ZBTB7C: variants seen among roughly 807,000 people sequenced by gnomAD.
ZBTB7C encodes zinc finger and BTB domain containing 7C, also known as zinc finger and BTB domain-containing protein 7C.
Under a neutral mutation model 25.7 loss-of-function variants are expected in ZBTB7C, and 8 were observed. The ratio of observed to expected loss-of-function variants is 0.31; its 90% CI spans 0.18 to 0.56. The LOEUF (loss-of-function observed/expected upper bound fraction) is 0.56. Ranked by LOEUF, ZBTB7C falls within the 20% of genes least tolerant of loss-of-function variation. The pLI, the probability that ZBTB7C is intolerant of heterozygous loss-of-function variation, is 0.91. For synonymous variants in ZBTB7C, 394 were observed against 369.0 expected (o/e 1.07, Z -0.78); for missense variants, 824 against 855.2 (o/e 0.96, Z 0.46).
At chr18:48,089,414 G>C (rs973411190) in intron 3 of ZBTB7C, among the ~76,000 whole-genome samples, 3 of 150,782 alleles carry the variant, frequency 2.0e-5, no homozygotes, top group Non-Finnish European at 4.4e-5. Flanking sequence ...GGAGGGTGCA[G>C]AGAGCCGAGA....
At chr18:48,249,593 T>G (rs1247541337) in intron 2 of ZBTB7C, among the ~76,000 whole-genome samples, 5 of 152,082 alleles carry the variant, frequency 3.3e-5, no homozygotes, top group Non-Finnish European at 7.4e-5. Context: ...TGGTTTGGGG[T>G]TAGTAGAATT....
intron 1 of ZBTB7C, among the ~76,000 whole-genome samples, chr18:48,338,911 TG>T (rs71165319): frequency 0.089 from 12,268 of 137,474 alleles, 847 homozygotes; most frequent in African/African-American, 0.21. Context: ...TGTAGTTTGT[TG>T]GGGGGGGGGG....
chr18:48,153,849 A>T (rs1336041582), intron 3 of ZBTB7C, among the ~76,000 whole-genome samples: 1 of 152,198 alleles, frequency 6.6e-6, no homozygotes, highest in East Asian at 1.9e-4. Context: ...CACTCTGTGA[A>T]AATGGTGGTT....
chr18:48,367,528 T>C (rs1293071049), intron 1 of ZBTB7C, among the ~76,000 whole-genome samples: 1 of 151,230 alleles, frequency 6.6e-6, no homozygotes, highest in Non-Finnish European at 1.5e-5. Context: ...CCTGGAAATA[T>C]CAATGCGCAC....
chr18:48,395,406 A>T, intron 1 of ZBTB7C, among the ~76,000 whole-genome samples: 4 of 111,290 alleles, frequency 3.6e-5, no homozygotes, highest in Non-Finnish European at 5.4e-5. Context: ...TGTGTGTCAG[A>T]GGGGTTGGGG....
At chr18:48,138,432 C>T (rs1223628353) in intron 3 of ZBTB7C, among the ~76,000 whole-genome samples, 3 of 152,234 alleles carry the variant, frequency 2.0e-5, no homozygotes, top group Non-Finnish European at 4.4e-5. Context: ...GGTCGGGTCT[C>T]TCTCTGTGGT....
At position 48,159,480 on chromosome 18, in the gene ZBTB7C, T is replaced by A. The variant is rs568269942; in HGVS notation, c.-17+26454A>T. ...AATTGCTTCTGGTCAAAATTCATCATCACAAGAAAGTCAGATGCATGTTCC... is the reference window on the plus strand; with the variant it reads ...AATTGCTTCTGGTCAAAATTCATCAACACAAGAAAGTCAGATGCATGTTCC... On this transcript the variant is annotated intron_variant, in intron 3 of 4. Transcript: ENST00000590800. Among the ~76,000 whole-genome samples, 7 of 152,300 alleles carry A rather than the reference T, an allele frequency of 4.6e-5. No homozygotes were observed. The South Asian group carries it at 1.5e-3, about 32-fold the overall frequency.
intron 3 of ZBTB7C, among the ~76,000 whole-genome samples, chr18:48,182,974 ATAAT>A (rs2041964897): frequency 6.6e-6 from 1 of 152,222 alleles, no homozygotes; most frequent in African/African-American, 2.4e-5. Context: ...TTTGCTTTAA[ATAAT>A]AATTATTATT....
intron 1 of ZBTB7C, chr18:48,346,779 C>A (rs368723976): frequency 2.9e-4 from 44 of 150,416 alleles, no homozygotes; most frequent in African/African-American, 1.0e-3. Flanking sequence ...AGCATCATCA[C>A]CCTTTTCTTT....
chr18:48,340,303 TA>T (rs2046568606), intron 1 of ZBTB7C, among the ~76,000 whole-genome samples: 2 of 152,346 alleles, frequency 1.3e-5, no homozygotes, highest in Non-Finnish European at 2.9e-5. Flanking sequence ...AGCAGATCCA[TA>T]GAGTTTGGCA....
chr18:48,195,092 G>T (rs1044003464), intron 2 of ZBTB7C, among the ~76,000 whole-genome samples: 9 of 152,148 alleles, frequency 5.9e-5, no homozygotes, highest in African/African-American at 2.2e-4. Context: ...TATGGTAGGG[G>T]CCCTCTTAGC....
At chr18:48,176,059 G>T (rs1599034466) in intron 3 of ZBTB7C, among the ~76,000 whole-genome samples, 1 of 152,250 alleles carries the variant, frequency 6.6e-6, no homozygotes, top group East Asian at 1.9e-4. Context: ...TAGACCACTT[G>T]CTAGTTCCAA....
rs1048849269 is a variant in ZBTB7C, at chr18:48,152,117, A to C, written c.-17+33817T>G. On this transcript the variant is annotated intron_variant, in intron 3 of 4. Coordinates refer to ENST00000590800, the MANE Select transcript of ZBTB7C (RefSeq NM_001318841.2). ...GTGCACACCTAATCAGCCATGTGCT[A>C]CTACTGGGACACAGGGTGTTTACAT... Among the ~76,000 whole-genome samples, 3 of 152,266 alleles carry C rather than the reference A, an allele frequency of 2.0e-5. No homozygotes were observed. In the East Asian group the frequency reaches 5.8e-4, roughly 29 times the overall value.
intron 3 of ZBTB7C, among the ~76,000 whole-genome samples, chr18:48,121,918 A>G (rs543132749): frequency 6.6e-6 from 1 of 152,320 alleles, no homozygotes; most frequent in Non-Finnish European, 1.5e-5. Flanking sequence ...ACCAAGCAGC[A>G]GCAGAGACCC....
Position 48,258,863 on chromosome 18 carries a change from G to A in ZBTB7C, c.-78-72868C>T, listed in dbSNP as rs149328866. ...AGTAGAGACGGGTTTTGCTATTTTG[G>A]CCAGGCTGGTCTGGAACTCCTGACC... is the stretch of plus-strand genomic sequence containing the variant. On this transcript the variant is annotated intron_variant, in intron 2 of 4. Transcript: ENST00000590800. Among the ~76,000 whole-genome samples the A allele has an allele frequency of 9.7e-3, 1,482 of 152,156 alleles. 23 individuals carry two copies. Among genetic ancestry groups the A allele is most frequent in the African/African-American group, 0.034 (1,408 of 41,496 alleles).
chr18:48,336,609 A>C (rs185506399), intron 2 of ZBTB7C, among the ~76,000 whole-genome samples: 1 of 152,346 alleles, frequency 6.6e-6, no homozygotes, highest in East Asian at 1.9e-4. Flanking sequence ...ACAGGTAATC[A>C]GTAAACATTA....
intron 1 of ZBTB7C, among the ~76,000 whole-genome samples, chr18:48,354,544 C>T (rs896927643): frequency 1.3e-5 from 2 of 152,132 alleles, no homozygotes; most frequent in Non-Finnish European, 2.9e-5. Flanking sequence ...ATCACCATCC[C>T]CAAATATGCC....
intron 3 of ZBTB7C, among the ~76,000 whole-genome samples, chr18:48,163,523 G>C (rs1252622679): frequency 6.6e-6 from 1 of 152,218 alleles, no homozygotes; most frequent in African/African-American, 2.4e-5. Context: ...AGTGGGACAG[G>C]CTCCCCAAAG....
At chr18:48,182,915 G>A (rs1019070819) in intron 3 of ZBTB7C, among the ~76,000 whole-genome samples, 3 of 151,558 alleles carry the variant, frequency 2.0e-5, no homozygotes, top group Non-Finnish European at 4.4e-5. Flanking sequence ...GCTGTCATGC[G>A]GTATCTCAAA....
Sources: allele counts gnomAD v4.1 joint callset (sites outside exome capture counted in the v4.1 genomes callset), GRCh38; gene constraint gnomAD v4.1.1; transcripts MANE v1.5; gene names NCBI Gene and HGNC (gene_info 2026-07-23, HGNC 2026-07-21).